PIWIL4: variants seen among roughly 807,000 people sequenced by gnomAD.
PIWIL4 encodes piwi like RNA-mediated gene silencing 4, also known as piwi-like protein 4.
A neutral mutation model predicts 100.9 loss-of-function variants in PIWIL4; 50 were observed. The observed-to-expected ratio is 0.50, with a 90% CI of 0.39 to 0.63. PIWIL4 has a LOEUF of 0.63. PIWIL4 is among the 20% of genes least tolerant of loss of function. The pLI, the probability that PIWIL4 is intolerant of heterozygous loss-of-function variation, is 0.00. For synonymous variants in PIWIL4, 342 were observed against 367.5 expected, an observed-to-expected ratio of 0.93 and a Z score of 0.79; for missense variants, 887 against 1,043.3, an observed-to-expected ratio of 0.85 and a Z score of 2.06.
rs756667389 is a variant in PIWIL4, at chr11:94,589,143, A to G, written c.937A>G (p.Ile313Val). ...CAGATACAATAACAGAACCTACTCC[A>G]TTGATGACATTGACTGGTCAGTGAA... ...LTRYNNRTYS[I>V]DDIDWSVKPT... Residue 313 changes from isoleucine (I) to valine (V), a missense_variant, in exon 8 of 20, where the codon ATT (isoleucine) becomes GTT (valine). Ile to Val is a conservative substitution (Grantham distance 29). Transcript: ENST00000299001. 5.0e-6 allele frequency: 8 copies of G among 1,611,680 alleles called. 1 individual carries two copies. In the South Asian group the frequency reaches 8.8e-5, roughly 18 times the overall value.
intron 15 of PIWIL4, among the ~76,000 whole-genome samples, chr11:94,610,932 C>T (rs570012380): frequency 2.0e-4 from 31 of 152,142 alleles, no homozygotes; most frequent in African/African-American, 7.5e-4. Flanking sequence ...AGTCTTTAAT[C>T]CATTTAGAGT....
At chr11:94,615,051 G>C (rs1948830838) in intron 15 of PIWIL4, among the ~76,000 whole-genome samples, 2 of 152,214 alleles carry the variant, frequency 1.3e-5, no homozygotes. Flanking sequence ...TGGGGTGCCT[G>C]TGAGTCAGTT....
At chr11:94,599,015 A>G (rs989790640) in intron 11 of PIWIL4, among the ~76,000 whole-genome samples, 1 of 152,142 alleles carries the variant, frequency 6.6e-6, no homozygotes, top group Non-Finnish European at 1.5e-5. Context: ...GCCTTGTCAT[A>G]TCTTTACAAT....
chr11:94,567,404 C>G lies in PIWIL4; in HGVS notation c.-115C>G. The G allele has an allele frequency of 2.1e-6, 2 of 955,218 alleles. No individual in the cohort carries two copies. Among genetic ancestry groups the G allele is most frequent in the East Asian group, 5.6e-5 (2 of 35,552 alleles). 59.2% of individuals were successfully genotyped at this position (955,218 alleles called of 1,614,324 possible). On this transcript the variant is annotated 5_prime_UTR_variant, in exon 1 of 20. Transcript: ENST00000299001. ...CCCGGCGTTGGTTGTGGATGCTGGA[C>G]ATCCACCGCCTCCAGGCAGTTTCGC... is the stretch of plus-strand genomic sequence containing the variant.
intron 16 of PIWIL4, among the ~76,000 whole-genome samples, chr11:94,617,353 AT>A (rs11326953): frequency 0.41 from 61,820 of 150,784 alleles, 12,531 homozygotes; most frequent in African/African-American, 0.43. Context: ...TTAGCAGGTA[AT>A]TTTTTTTTTA....
chr11:94,611,402 C>A (rs1033752737), intron 15 of PIWIL4, among the ~76,000 whole-genome samples: 11 of 152,134 alleles, frequency 7.2e-5, no homozygotes, highest in Admixed American at 4.6e-4. Context: ...CCATAAACTT[C>A]CATCTTAAAC....
At chr11:94,599,297 GAAACTGGTGTCC>G (rs761439487) in intron 11 of PIWIL4, among the ~76,000 whole-genome samples, 1 of 152,242 alleles carries the variant, frequency 6.6e-6, no homozygotes, top group Admixed American at 6.5e-5. Context: ...TTTTGGTGTA[GAAACTGGTGTCC>G]ATAGGAGAAA....
At chr11:94,612,589 T>C (rs780960273) in intron 15 of PIWIL4, among the ~76,000 whole-genome samples, 1 of 152,154 alleles carries the variant, frequency 6.6e-6, no homozygotes, top group Non-Finnish European at 1.5e-5. Context: ...TTATTCATTG[T>C]TTTCTGGCTT....
At chr11:94,580,418 T>A (rs1284771516) in intron 4 of PIWIL4, among the ~76,000 whole-genome samples, 3 of 152,068 alleles carry the variant, frequency 2.0e-5, no homozygotes, top group African/African-American at 7.2e-5. Flanking sequence ...CTCCTAGGAG[T>A]TCCAGGATTC....
chr11:94,619,702 T>C (rs1948885429), intron 17 of PIWIL4, 58 bp from the exon 18 acceptor site: 1 of 1,498,154 alleles, frequency 6.7e-7, no homozygotes, highest in Non-Finnish European at 9.0e-7. Context: ...TACACAAAAA[T>C]AGAAAGCTAT....
chr11:94,567,531 G>T lies in PIWIL4; in HGVS notation c.13G>T (p.Ala5Ser), dbSNP rs764739709. 6.2e-7 allele frequency: 1 copy of T among 1,600,358 alleles called. No homozygotes were observed. The highest frequency in any genetic ancestry group is 8.5e-7 in the Non-Finnish European group (1 of 1,173,838). The change falls in exon 1 of 20, where the codon GCC becomes TCC. Residue 5 changes from alanine (A) to serine (S), a missense_variant. Ala to Ser is a moderately conservative substitution (Grantham distance 99). This residue lies in a region of PIWIL4 where 146 missense variants were observed against 113.4 expected (regional missense o/e 1.29). Coordinates refer to ENST00000299001, the MANE Select transcript of PIWIL4 (RefSeq NM_152431.3). MSGR[A>S]RVKARGIARS... Reference sequence around the variant, plus strand: ...GCTCACCGGGAACATGAGTGGAAGAGCCCGAGTGAAGGCCAGAGGCATCGC... The same window carrying T: ...GCTCACCGGGAACATGAGTGGAAGATCCCGAGTGAAGGCCAGAGGCATCGC...
At position 94,597,839 on chromosome 11, in the gene PIWIL4, G is replaced by A. The variant is rs772627647; in HGVS notation, c.1304G>A (p.Gly435Glu). 14 of 1,613,914 alleles carry A rather than the reference G, an allele frequency of 8.7e-6. 1 individual carries two copies. The highest frequency in any genetic ancestry group is 1.6e-4 in the Middle Eastern group (1 of 6,084). Reference protein sequence around the residue: ...TNARFELETWGLHFGSQISLT... With the variant: ...TNARFELETWELHFGSQISLT... Reference sequence around the variant, plus strand: ...GCTCGCTTTGAACTAGAGACCTGGGGACTGCATTTTGGAAGCCAGATATCT... The same window carrying A: ...GCTCGCTTTGAACTAGAGACCTGGGAACTGCATTTTGGAAGCCAGATATCT... The change falls in exon 11 of 20, where the codon GGA becomes GAA. Residue 435 changes from glycine (G) to glutamate (E), a missense_variant. Physicochemically the swap from Gly to Glu is moderately conservative, Grantham distance 98. Coordinates refer to ENST00000299001, the MANE Select transcript of PIWIL4 (RefSeq NM_152431.3).
At chr11:94,620,258 AAAG>A (rs1178267541) in intron 19 of PIWIL4, 114 bp downstream of exon 19, 3 of 1,174,634 alleles carry the variant, frequency 2.6e-6, no homozygotes, top group African/African-American at 3.1e-5. Flanking sequence ...GATATTTCCT[AAAG>A]AAGGAATGAA....
chr11:94,579,896 C>T (rs778181240), intron 4 of PIWIL4, among the ~76,000 whole-genome samples: 1 of 152,166 alleles, frequency 6.6e-6, no homozygotes, highest in Non-Finnish European at 1.5e-5. Flanking sequence ...CTTGTAGATA[C>T]ATTTCTAGCA....
Position 94,593,563 on chromosome 11 carries a change from AGTCT to A in PIWIL4, c.1075_1078del (p.Leu359Ter). On this transcript the variant is annotated frameshift_variant, in exon 9 of 20. Coordinates refer to ENST00000299001, the MANE Select transcript of PIWIL4 (RefSeq NM_152431.3). LOFTEE classifies it high-confidence loss of function. ...GGACCTGAATCAGCCCATGCTTGTT[AGTCT>A]GTTAAAGAAGAAGAGAAATGACAAC... The A allele has an allele frequency of 6.2e-7, 1 of 1,613,862 alleles. No homozygotes were observed. Among genetic ancestry groups the A allele is most frequent in the Non-Finnish European group, 8.5e-7 (1 of 1,179,784 alleles).
chr11:94,576,773 A>G (rs1377172998), intron 3 of PIWIL4, among the ~76,000 whole-genome samples: 1 of 152,060 alleles, frequency 6.6e-6, no homozygotes, highest in Admixed American at 6.6e-5. Flanking sequence ...GTCTTCTCTG[A>G]GATTGTTTGG....
chr11:94,614,501 G>T (rs531135410), intron 15 of PIWIL4, among the ~76,000 whole-genome samples: 1 of 151,788 alleles, frequency 6.6e-6, no homozygotes, highest in African/African-American at 2.4e-5. Context: ...TAGAGTCAGG[G>T]TTTCACCATG....
At chr11:94,601,570 A>C (rs1948642441) in intron 11 of PIWIL4, among the ~76,000 whole-genome samples, 1 of 152,234 alleles carries the variant, frequency 6.6e-6, no homozygotes, top group African/African-American at 2.4e-5. Context: ...GGGACCTCCA[A>C]GGGCCACCAG....
intron 5 of PIWIL4, 81 bp from the exon 6 acceptor site, chr11:94,585,361 CATT>C (rs879683040): frequency 5.5e-6 from 5 of 911,842 alleles, no homozygotes; most frequent in Non-Finnish European, 6.7e-6. Context: ...ATATTTTTAA[CATT>C]ATGTTCAGTA....
Sources: gnomAD v4.1 joint callset for allele counts (sites outside exome capture counted in the v4.1 genomes callset) on GRCh38, gnomAD v4.1.1 for gene constraint, gnomAD v4.1.1 regional missense constraint, MANE v1.5 for transcripts, NCBI Gene and HGNC (gene_info 2026-07-23, HGNC 2026-07-21) for gene names.